IPO11: variants seen among roughly 807,000 people sequenced by gnomAD.
The protein encoded by IPO11 is importin-11.
A neutral mutation model predicts 143.2 loss-of-function variants in IPO11; 66 were observed. The observed-to-expected ratio is 0.46, with a 90% CI of 0.38 to 0.57. The LOEUF is 0.57. Among genes scored for constraint, IPO11 ranks in the 20% least tolerant of loss-of-function variants. The pLI, the probability that IPO11 is intolerant of heterozygous loss-of-function variation, is 0.00. For synonymous variants in IPO11, 385 were observed against 377.8 expected (o/e 1.02, Z -0.22); for missense variants, 1,026 against 1,141.0 (o/e 0.90, Z 1.45).
chr5:62,448,428 T>G (rs1229117420), intron 3 of IPO11, among the ~76,000 whole-genome samples: 1 of 152,262 alleles, frequency 6.6e-6, no homozygotes, highest in Non-Finnish European at 1.5e-5. Flanking sequence ...ACAACTATAT[T>G]CAAGACATTT....
rs1554055049 is a variant in IPO11 at position 62,553,346 on chromosome 5, G to GTGTGTT, written c.2460+2015_2460+2016insTTGTGT. Among the ~76,000 whole-genome samples, 250 of 150,382 alleles carry GTGTGTT rather than the reference G, an allele frequency of 1.7e-3. 3 individuals are homozygous for GTGTGTT. The highest frequency in any genetic ancestry group is 2.6e-3 in the Non-Finnish European group (178 of 67,374). On this transcript the variant is annotated intron_variant, in intron 26 of 29. Transcript: ENST00000325324. ...TGAGTGTGTGTGTGTGTGTGTGTGTGTGTGTGTGTGTGTGTGTGATATTTT... is the reference window on the plus strand; with the variant it reads ...TGAGTGTGTGTGTGTGTGTGTGTGTGTGTGTTTGTGTGTGTGTGTGTGTGATATTTT...
At chr5:62,523,281 T>G (rs893107195) in intron 20 of IPO11, among the ~76,000 whole-genome samples, 4 of 152,224 alleles carry the variant, frequency 2.6e-5, no homozygotes, top group African/African-American at 9.6e-5. Flanking sequence ...ATTGAAACTG[T>G]TCCTCTGTTA....
chr5:62,579,642 T>A, intron 27 of IPO11: 1 of 1,549,366 alleles, frequency 6.5e-7, no homozygotes, highest in South Asian at 1.2e-5. Context: ...TGTATCTGAC[T>A]GGGAATAATA....
chr5:62,562,739 A>C (rs1743814670), intron 27 of IPO11, among the ~76,000 whole-genome samples: 1 of 152,200 alleles, frequency 6.6e-6, no homozygotes, highest in Non-Finnish European at 1.5e-5. Flanking sequence ...CAGTTTTAGA[A>C]GTCCTTATTT....
At chr5:62,431,777 T>C (rs1260095765) in intron 1 of IPO11, among the ~76,000 whole-genome samples, 4 of 151,950 alleles carry the variant, frequency 2.6e-5, no homozygotes, top group African/African-American at 4.8e-5. Context: ...CCCAGCTCTA[T>C]TAAAAATATA....
intron 26 of IPO11, among the ~76,000 whole-genome samples, chr5:62,559,941 AAG>A (rs561834402): frequency 0.085 from 10,079 of 118,532 alleles, 1,698 homozygotes; most frequent in African/African-American, 0.17. Context: ...AAAAAAAAAA[AAG>A]AGAGAGAAAA....
At chr5:62,609,116 T>G (rs1745837857) in intron 29 of IPO11, among the ~76,000 whole-genome samples, 1 of 152,134 alleles carries the variant, frequency 6.6e-6, no homozygotes, top group African/African-American at 2.4e-5. Context: ...CAGCTGGAAC[T>G]GCACCAACTC....
intron 1 of IPO11, among the ~76,000 whole-genome samples, chr5:62,435,858 G>A (rs143247067): frequency 3.7e-4 from 57 of 152,006 alleles, no homozygotes; most frequent in African/African-American, 1.3e-3. Context: ...GTGAAACCCC[G>A]TCTCTACTAA....
intron 28 of IPO11, among the ~76,000 whole-genome samples, chr5:62,599,351 C>CA (rs1745413501): frequency 6.6e-6 from 1 of 152,052 alleles, no homozygotes; most frequent in South Asian, 2.1e-4. Flanking sequence ...AGAATAAGGG[C>CA]AATTTTAAAG....
chr5:62,530,306 C>T (rs975973393), intron 21 of IPO11, among the ~76,000 whole-genome samples: 2 of 152,114 alleles, frequency 1.3e-5, no homozygotes, highest in African/African-American at 4.8e-5. Flanking sequence ...TACTAAAGTC[C>T]CGCAGTCAGC....
intron 19 of IPO11, among the ~76,000 whole-genome samples, chr5:62,511,121 A>G (rs1171375883): frequency 6.6e-6 from 1 of 152,254 alleles, no homozygotes; most frequent in African/African-American, 2.4e-5. Flanking sequence ...AGATTGGAAT[A>G]TAAATATTTT....
chr5:62,529,015 A>G (rs988280761), intron 21 of IPO11, among the ~76,000 whole-genome samples: 11 of 152,096 alleles, frequency 7.2e-5, no homozygotes, highest in African/African-American at 2.2e-4. Context: ...TCTTTGTTGT[A>G]TATCTGTTTC....
At chr5:62,435,114 A>ATGTATATATATGTATATG (rs1326687822) in intron 1 of IPO11, among the ~76,000 whole-genome samples, 2 of 102,310 alleles carry the variant, frequency 2.0e-5, no homozygotes, top group Non-Finnish European at 3.7e-5. Flanking sequence ...ATATATGTAT[A>ATGTATATATATGTATATG]TATGTATATA....
intron 27 of IPO11, among the ~76,000 whole-genome samples, chr5:62,566,803 A>G (rs1743955057): frequency 6.6e-6 from 1 of 151,628 alleles, no homozygotes. Context: ...TCACAATTAG[A>G]GTATAATTTT....
intron 1 of IPO11, among the ~76,000 whole-genome samples, chr5:62,429,834 A>C (rs192747626): frequency 1.7e-4 from 26 of 151,956 alleles, no homozygotes; most frequent in Admixed American, 1.4e-3. Flanking sequence ...CGTGTCAGCC[A>C]GGCTGGTCTC....
In IPO11 at chr5:62,441,732, T is replaced by C. The variant is rs140565671; in HGVS notation, c.139-1251T>C. Among the ~76,000 whole-genome samples the C allele has an allele frequency of 7.8e-3, 1,180 of 150,690 alleles. 18 individuals are homozygous for C. The highest frequency in any genetic ancestry group is 0.027 in the African/African-American group (1,118 of 40,894). ...GGTTTCATCATGTTGGCCAGGCTGG[T>C]CTCGAACTCCTGACCTCATGGTGGT... On this transcript the variant is annotated intron_variant, in intron 2 of 29. Coordinates refer to ENST00000325324, the MANE Select transcript of IPO11 (RefSeq NM_016338.5).
At chr5:62,527,571 A>C (rs1742409070) in intron 21 of IPO11, among the ~76,000 whole-genome samples, 1 of 152,210 alleles carries the variant, frequency 6.6e-6, no homozygotes, top group Admixed American at 6.5e-5. Flanking sequence ...TGTTAGAAAA[A>C]ATCCAATATT....
At position 62,483,301 on chromosome 5, in the gene IPO11, C is replaced by A; in HGVS notation, c.1021+8C>A. On this transcript the variant is annotated splice_region_variant and intron_variant, in intron 10 of 29. Transcript: ENST00000325324. ...CATCCAAAAATTTTGAAGGTAATTC[C>A]TTTATTGGCAGTTTAAAAGAATTAT... 6.8e-7 allele frequency: 1 copy of A among 1,469,438 alleles called. No individual in the cohort carries two copies. Among genetic ancestry groups the A allele is most frequent in the Non-Finnish European group, 9.3e-7 (1 of 1,079,162 alleles). 91.0% of individuals were successfully genotyped at this position (1,469,438 alleles called of 1,614,324 possible). A position where few individuals can be genotyped will look rare whatever the true frequency, so the allele number is the denominator to read the frequency against.
At chr5:62,588,391 C>G (rs1446230791) in intron 27 of IPO11, among the ~76,000 whole-genome samples, 1 of 151,982 alleles carries the variant, frequency 6.6e-6, no homozygotes, top group Non-Finnish European at 1.5e-5. Flanking sequence ...ACCACTGCCC[C>G]CAGCTAATTT....
Sources: gnomAD v4.1 joint callset for allele counts (sites outside exome capture counted in the v4.1 genomes callset) on GRCh38, gnomAD v4.1.1 for gene constraint, MANE v1.5 for transcripts, NCBI Gene and HGNC (gene_info 2026-07-23, HGNC 2026-07-21) for gene names.